The following NUCB2 variants were observed in gnomAD, a reference collection of about 807,000 sequenced individuals.
NUCB2 encodes nucleobindin-2.
In NUCB2, 48 loss-of-function variants were observed where a neutral mutation model predicts 57.9. That is an observed-to-expected ratio of 0.83 (90% CI 0.66 to 1.05). NUCB2 has a LOEUF of 1.05. Among genes scored for constraint, NUCB2 ranks in the 50% least tolerant of loss-of-function variants. The probability of loss-of-function intolerance (pLI) is 0.00; values close to 1 mark genes in which losing one functional copy is unlikely to be tolerated. For missense variants in NUCB2, 442 were observed against 476.2 expected, an observed-to-expected ratio of 0.93 and a Z score of 0.67; for synonymous variants, 139 against 152.1, an observed-to-expected ratio of 0.91 and a Z score of 0.64.
chr11:17,326,041 CT>C (rs760399122), intron 11 of NUCB2, among the ~76,000 whole-genome samples: 169 of 151,310 alleles, frequency 1.1e-3, no homozygotes, highest in Non-Finnish European at 1.7e-3. Context: ...ACTCTTGTTG[CT>C]CAGGCTGGAG....
At chr11:17,345,575 T>C (rs1042509016) in intron 2 of NUCB2, among the ~76,000 whole-genome samples, 18 of 151,958 alleles carry the variant, frequency 1.2e-4, no homozygotes, top group East Asian at 1.9e-4. Flanking sequence ...GGCGTGGTGG[T>C]GGGCGCCTGT....
Position 17,316,077 on chromosome 11 carries a change from A to G in NUCB2, c.1002+602A>G, listed in dbSNP as rs185796258. ...AACCTCCGCCTCCCAGATTCAAGCAATTCTCTGCCTCAGCCTCCTGAGTAG... is the reference window on the plus strand; with the variant it reads ...AACCTCCGCCTCCCAGATTCAAGCAGTTCTCTGCCTCAGCCTCCTGAGTAG... On this transcript the variant is annotated intron_variant, in intron 11 of 13. Transcript: ENST00000529010. Among the ~76,000 whole-genome samples, 9 of 152,064 alleles carry G rather than the reference A, an allele frequency of 5.9e-5. No individual in the cohort carries two copies. The East Asian group carries it at 1.4e-3, about 23-fold the overall frequency.
intron 11 of NUCB2, among the ~76,000 whole-genome samples, chr11:17,324,228 A>G (rs942543787): frequency 3.9e-5 from 6 of 152,082 alleles, no homozygotes; most frequent in East Asian, 1.9e-4. Flanking sequence ...GCTTTATCCC[A>G]CAGGTTTTGG....
intron 2 of NUCB2, among the ~76,000 whole-genome samples, chr11:17,284,948 C>A (rs1943372160): frequency 6.6e-6 from 1 of 152,110 alleles, no homozygotes; most frequent in African/African-American, 2.4e-5. Flanking sequence ...AGCATAGTAT[C>A]TGGTACCATA....
chr11:17,291,107 TG>T (rs1325531701), intron 2 of NUCB2: 1 of 152,188 alleles, frequency 6.6e-6, no homozygotes, highest in Non-Finnish European at 1.5e-5. Flanking sequence ...CTCAACAACC[TG>T]TAATCTGCTT....
intron 11 of NUCB2, 144 bp from the exon 12 acceptor site, chr11:17,329,983 A>T (rs778880393): frequency 1.9e-4 from 81 of 416,014 alleles, no homozygotes; most frequent in Non-Finnish European, 2.9e-4. Flanking sequence ...AATATATATT[A>T]CTTATTTCCC....
chr11:17,308,460 G>A (rs1206627266), intron 5 of NUCB2, among the ~76,000 whole-genome samples: 1 of 152,186 alleles, frequency 6.6e-6, no homozygotes, highest in Non-Finnish European at 1.5e-5. Context: ...CACACAGATA[G>A]TGCTAATTCC....
At chr11:17,285,749 A>G (rs1267935412) in intron 2 of NUCB2, among the ~76,000 whole-genome samples, 3 of 150,572 alleles carry the variant, frequency 2.0e-5, no homozygotes. Flanking sequence ...GTCTCAAAAA[A>G]AAAAAAAAAA....
intron 11 of NUCB2, among the ~76,000 whole-genome samples, chr11:17,329,808 T>C (rs1367152131): frequency 6.6e-6 from 1 of 152,198 alleles, no homozygotes; most frequent in Non-Finnish European, 1.5e-5. Flanking sequence ...TGTTAAAATT[T>C]CATGTTTCAG....
chr11:17,323,794 C>T (rs1193942053), intron 11 of NUCB2, among the ~76,000 whole-genome samples: 1 of 152,006 alleles, frequency 6.6e-6, no homozygotes, highest in African/African-American at 2.4e-5. Context: ...CGAATTCAAT[C>T]TTGGTAGTTT....
At chr11:17,294,509 GT>G (rs796118734) in intron 2 of NUCB2, among the ~76,000 whole-genome samples, 116 of 152,220 alleles carry the variant, frequency 7.6e-4, no homozygotes, top group African/African-American at 2.4e-3. Flanking sequence ...GTAAGTTTTA[GT>G]GGTTTGTTAA....
chr11:17,347,839 A>T (rs1426426109), intron 2 of NUCB2, among the ~76,000 whole-genome samples: 2 of 152,140 alleles, frequency 1.3e-5, no homozygotes, highest in African/African-American at 4.8e-5. Flanking sequence ...ATTTGTCTAG[A>T]CTGGTCTTTC....
intron 2 of NUCB2, among the ~76,000 whole-genome samples, chr11:17,288,549 C>CTTTTTTTTTTTTTT (rs752336919): frequency 1.6e-4 from 12 of 75,866 alleles, no homozygotes; most frequent in Non-Finnish European, 2.7e-4. Context: ...TCTTCTTCTT[C>CTTTTTTTTTTTTTT]TTCTTTTTTT....
In NUCB2 at chr11:17,276,759, G is replaced by C. The variant is rs1367277419; in HGVS notation, c.-225G>C. 1 of 152,682 alleles carries C rather than the reference G, an allele frequency of 6.5e-6. No individual in the cohort carries two copies. Among genetic ancestry groups the C allele is most frequent in the Non-Finnish European group, 1.5e-5 (1 of 68,412 alleles). The allele number at this position is 152,682 out of a possible 1,614,324, so 9.5% of individuals were successfully genotyped here. On this transcript the variant is annotated 5_prime_UTR_variant, in exon 1 of 14. Transcript: ENST00000529010. The stretch of plus-strand genomic sequence containing the variant: ...GGGGCAGAGCGGAGCGGTGGGCCGG[G>C]GGCTGGAGGACAGGTTTGTGCGCTG...
downstream of NUCB2, chr11:17,333,960 G>C (rs1048791550): frequency 3.3e-5 from 5 of 152,172 alleles, no homozygotes; most frequent in African/African-American, 1.2e-4. Context: ...GCAAGAAGCA[G>C]CCAACACATG....
chr11:17,346,923 C>A (rs559945614), intron 2 of NUCB2, among the ~76,000 whole-genome samples: 162 of 152,242 alleles, frequency 1.1e-3, no homozygotes, highest in African/African-American at 3.7e-3. Flanking sequence ...TAAATCATTG[C>A]AACGATAGTA....
At chr11:17,326,387 A>G (rs1440694164) in intron 11 of NUCB2, among the ~76,000 whole-genome samples, 4 of 134,036 alleles carry the variant, frequency 3.0e-5, no homozygotes, top group African/African-American at 1.1e-4. Flanking sequence ...GTGCAATCTC[A>G]GCTCACCGCA....
chr11:17,287,055 A>G (rs937350193), intron 2 of NUCB2, among the ~76,000 whole-genome samples: 12 of 152,184 alleles, frequency 7.9e-5, no homozygotes, highest in African/African-American at 2.9e-4. Flanking sequence ...TTCTCCATCA[A>G]TCAAAAATAA....
chr11:17,304,402 C>G (rs953006179), intron 5 of NUCB2, among the ~76,000 whole-genome samples: 2 of 152,112 alleles, frequency 1.3e-5, no homozygotes, highest in Non-Finnish European at 2.9e-5. Context: ...CCATGTTGGT[C>G]AGGCTGGTCT....
Sources: gnomAD v4.1 joint callset for allele counts (sites outside exome capture counted in the v4.1 genomes callset) on GRCh38, gnomAD v4.1.1 for gene constraint, MANE v1.5 for transcripts, NCBI Gene and HGNC (gene_info 2026-07-23, HGNC 2026-07-21) for gene names.